RASSF8: variants seen among roughly 807,000 people sequenced by gnomAD.
The protein encoded by RASSF8 is Ras association domain family member 8.
A neutral mutation model predicts 48.5 loss-of-function variants in RASSF8; 22 were observed. The observed-to-expected ratio is 0.45, with a 90% CI of 0.32 to 0.65. RASSF8 has a LOEUF of 0.65. Ranked by LOEUF, RASSF8 falls within the 30% of genes least tolerant of loss-of-function variation. The pLI, the probability that RASSF8 is intolerant of heterozygous loss-of-function variation, is 0.03. For missense variants in RASSF8, 418 were observed against 489.2 expected (o/e 0.85, Z 1.37); for synonymous variants, 127 against 171.5 (o/e 0.74, Z 2.03).
exon 6 of RASSF8, chr12:26,079,625 A>G (rs1944100828): frequency 6.6e-6 from 1 of 152,008 alleles, no homozygotes; most frequent in African/African-American, 2.4e-5. Flanking sequence ...TCCAAAGAAG[A>G]CATAAAAACA....
intron 2 of RASSF8, among the ~76,000 whole-genome samples, chr12:26,006,349 C>T (rs1156230515): frequency 6.6e-6 from 1 of 152,120 alleles, no homozygotes; most frequent in Non-Finnish European, 1.5e-5. Context: ...TCTCTAAGAT[C>T]TCTTTTAGGT....
In RASSF8 at chr12:26,067,641, A is replaced by C; in HGVS notation, c.1066A>C (p.Thr356Pro). ...CAATCTCCAGCAGTTCATCCAGCAGACAGGGACAAAAGTTACCGTTTTGCC... is the reference window on the plus strand; with the variant it reads ...CAATCTCCAGCAGTTCATCCAGCAGCCAGGGACAAAAGTTACCGTTTTGCC... ...QVNLQQFIQQ[T>P]GTKVTVLPAE... Residue 356 changes from threonine to proline, a missense_variant, in exon 5 of 6, where the codon ACA becomes CCA. Transcript: ENST00000689635. 2.5e-6 allele frequency: 4 copies of C among 1,614,142 alleles called. No homozygotes were observed. Among genetic ancestry groups the C allele is most frequent in the Non-Finnish European group, 3.4e-6 (4 of 1,180,012 alleles).
chr12:25,982,025 A>T (rs1370102841), intron 1 of RASSF8, among the ~76,000 whole-genome samples: 7 of 152,244 alleles, frequency 4.6e-5, no homozygotes, highest in African/African-American at 9.6e-5. Flanking sequence ...GTTTTCAGAC[A>T]AACGTTTTTG....
rs530015033 is a variant in RASSF8 at position 26,016,727 on chromosome 12, G to A, written c.-109+21597G>A. Reference sequence around the variant, plus strand: ...TCCACGTCAGTCCATTTCATAAGGTGTGAAAATATTTTCTTCTTCCTCTTT... The same window carrying A: ...TCCACGTCAGTCCATTTCATAAGGTATGAAAATATTTTCTTCTTCCTCTTT... On this transcript the variant is annotated intron_variant, in intron 2 of 5. Coordinates refer to ENST00000689635, the MANE Select transcript of RASSF8 (RefSeq NM_001394098.1). 5.9e-5 allele frequency among the ~76,000 whole-genome samples: 9 copies of A among 152,256 alleles called. 1 individual carries two copies. The East Asian group carries it at 9.6e-4, about 16-fold the overall frequency.
chr12:25,993,616 G>A (rs1409943078), intron 1 of RASSF8, among the ~76,000 whole-genome samples: 6 of 152,176 alleles, frequency 3.9e-5, no homozygotes, highest in South Asian at 2.1e-4. Context: ...GTCGTCTTTC[G>A]CAGCAGGGTT....
At chr12:26,003,627 G>T (rs891847397) in intron 2 of RASSF8, among the ~76,000 whole-genome samples, 1 of 151,848 alleles carries the variant, frequency 6.6e-6, no homozygotes, top group Non-Finnish European at 1.5e-5. Flanking sequence ...ACTGTATAGG[G>T]GGAATAAAAA....
intron 1 of RASSF8, among the ~76,000 whole-genome samples, chr12:25,963,653 G>A (rs981879712): frequency 6.6e-6 from 1 of 152,112 alleles, no homozygotes; most frequent in African/African-American, 2.4e-5. Context: ...CCTTCAGAAC[G>A]TACTCCTCTG....
intron 3 of RASSF8, among the ~76,000 whole-genome samples, chr12:26,063,240 TTAAA>T (rs200104213): frequency 0.012 from 1,859 of 152,344 alleles, 23 homozygotes; most frequent in Non-Finnish European, 0.019. Flanking sequence ...TTCACAAAAT[TTAAA>T]TAATCTATCT....
intron 2 of RASSF8, among the ~76,000 whole-genome samples, chr12:26,023,243 TAAAAG>T (rs1157908923): frequency 6.6e-6 from 1 of 152,040 alleles, no homozygotes; most frequent in Non-Finnish European, 1.5e-5. Flanking sequence ...ATAAAAAAAT[TAAAAG>T]AAGTAGCTGA....
Position 26,064,630 on chromosome 12 carries a change from G to A in RASSF8, c.236G>A (p.Arg79Gln), listed in dbSNP as rs776398938. ...YASDVQLILR[R>Q]TGPSLSERPT... is the part of the protein sequence containing the mutation. ...AGTGATGTGCAGCTCATTCTACGAC[G>A]AACTGGGCCGTCTCTCAGTGAGCGA... The change falls in exon 4 of 6, where the codon CGA becomes CAA. Residue 79 changes from arginine (R) to glutamine (Q), a missense_variant. By Grantham distance (43) the Arg-to-Gln change is conservative. Transcript: ENST00000689635. 1.2e-6 allele frequency: 2 copies of A among 1,614,114 alleles called. No homozygotes were observed. Among genetic ancestry groups the A allele is most frequent in the Non-Finnish European group, 1.7e-6 (2 of 1,180,020 alleles).
Position 26,071,596 on chromosome 12 carries a change from T to A in RASSF8, c.*2778T>A, listed in dbSNP as rs1944001885. The A allele has an allele frequency of 1.0e-6, 1 of 985,082 alleles. No homozygotes were observed. Among genetic ancestry groups the A allele is most frequent in the Non-Finnish European group, 1.2e-6 (1 of 829,726 alleles). 61.0% of individuals were successfully genotyped at this position (985,082 alleles called of 1,614,324 possible). ...TGTGGACATAGTGTCCATAGTCCCT[T>A]TCTTGTCCTTCTGAGATATTTTGGT... On this transcript the variant is annotated 3_prime_UTR_variant, in exon 6 of 6. Transcript: ENST00000689635.
rs114513791 is a variant in RASSF8 at position 25,970,228 on chromosome 12, A to G, written c.-203+11080A>G. 3.0e-3 allele frequency among the ~76,000 whole-genome samples: 447 copies of G among 151,334 alleles called. 3 individuals are homozygous for G. The highest frequency in any genetic ancestry group is 0.01 in the African/African-American group (430 of 41,182). On this transcript the variant is annotated intron_variant, in intron 1 of 5. Coordinates refer to ENST00000689635, the MANE Select transcript of RASSF8 (RefSeq NM_001394098.1). ...ACCCACCTTCATTGTTTTTACTCCA[A>G]CCTTTATGGTGCTGAATGTCCGGAT...
At chr12:25,996,159 A>G (rs1942128127) in intron 2 of RASSF8, among the ~76,000 whole-genome samples, 1 of 152,238 alleles carries the variant, frequency 6.6e-6, no homozygotes. Flanking sequence ...GTTGAGAGTC[A>G]AAAGATAGCC....
At chr12:26,039,286 C>T (rs534465844) in intron 2 of RASSF8, among the ~76,000 whole-genome samples, 2 of 152,174 alleles carry the variant, frequency 1.3e-5, no homozygotes, top group Non-Finnish European at 2.9e-5. Context: ...CTGTCTGCTG[C>T]TCATAGTTCC....
chr12:26,029,752 CAG>C (rs1363855798), intron 2 of RASSF8, among the ~76,000 whole-genome samples: 1 of 151,968 alleles, frequency 6.6e-6, no homozygotes, highest in Non-Finnish European at 1.5e-5. Flanking sequence ...ATTATTATAA[CAG>C]AAAAACAGTT....
chr12:26,059,041 G>T (rs1427976206), intron 3 of RASSF8, among the ~76,000 whole-genome samples: 2 of 152,144 alleles, frequency 1.3e-5, no homozygotes, highest in African/African-American at 4.8e-5. Context: ...TCTCAGAAAT[G>T]CATTTTTTTC....
chr12:25,970,085 T>A (rs2136855888), intron 1 of RASSF8, among the ~76,000 whole-genome samples: 1 of 150,676 alleles, frequency 6.6e-6, no homozygotes. Context: ...TCTTTCTTCC[T>A]GTACGACCCC....
At chr12:26,065,537 G>A (rs1188749174) in intron 4 of RASSF8, 150 bp downstream of exon 4, 12 of 1,012,732 alleles carry the variant, frequency 1.2e-5, no homozygotes, top group East Asian at 7.8e-5. Context: ...TGTGACTTAC[G>A]ACAGCTTAGA....
At chr12:26,042,173 T>G (rs2137164148) in intron 2 of RASSF8, among the ~76,000 whole-genome samples, 1 of 152,316 alleles carries the variant, frequency 6.6e-6, no homozygotes, top group Middle Eastern at 3.4e-3. Flanking sequence ...ACTGAGAAAA[T>G]AACACATTTG....
Sources: gnomAD v4.1 joint callset for allele counts (sites outside exome capture counted in the v4.1 genomes callset) on GRCh38, gnomAD v4.1.1 for gene constraint, MANE v1.5 for transcripts, NCBI Gene and HGNC (gene_info 2026-07-23, HGNC 2026-07-21) for gene names.